The following FMN2 variants were observed in gnomAD, a reference collection of about 807,000 sequenced individuals.
The protein encoded by FMN2 is formin 2, also known as formin-2.
Under a neutral mutation model 142.3 loss-of-function variants are expected in FMN2, and 51 were observed. That is an observed-to-expected ratio of 0.36 (90% CI 0.29 to 0.45). The LOEUF (loss-of-function observed/expected upper bound fraction) is 0.45, where lower values mean the gene tolerates loss of function less well. Among genes scored for constraint, FMN2 ranks in the 20% least tolerant of loss-of-function variants. The probability of loss-of-function intolerance (pLI) is 1.00; values close to 1 mark genes in which losing one functional copy is unlikely to be tolerated. For synonymous variants in FMN2, 882 were observed against 869.8 expected (o/e 1.01, Z -0.25); for missense variants, 1,936 against 2,122.8 (o/e 0.91, Z 1.73).
chr1:240,266,466 T>C (rs1668807905), intron 7 of FMN2, among the ~76,000 whole-genome samples: 10 of 152,018 alleles, frequency 6.6e-5, no homozygotes, highest in Admixed American at 6.6e-4. Context: ...TTCCATGTGG[T>C]GTTTGCTTTT....
intron 15 of FMN2, among the ~76,000 whole-genome samples, chr1:240,421,791 C>A (rs944684838): frequency 6.6e-6 from 1 of 151,968 alleles, no homozygotes; most frequent in East Asian, 1.9e-4. Flanking sequence ...AGATCCTCTT[C>A]CAATTTGATG....
rs192920323 is a variant in FMN2, at chr1:240,221,390, A to G, written c.4065+10155A>G. ...CCTCTCCAGCATCTGTTATTTCCCA[A>G]CTTTTTAATGATCGCCATTCTGACT... On this transcript the variant is annotated intron_variant, in intron 6 of 17. Transcript: ENST00000319653. 1.4e-3 allele frequency among the ~76,000 whole-genome samples: 209 copies of G among 152,088 alleles called. 1 individual carries two copies. Among genetic ancestry groups the G allele is most frequent in the African/African-American group, 4.9e-3 (202 of 41,490 alleles).
At chr1:240,428,965 A>G (rs1675047361) in intron 15 of FMN2, among the ~76,000 whole-genome samples, 1 of 152,192 alleles carries the variant, frequency 6.6e-6, no homozygotes, top group Non-Finnish European at 1.5e-5. Flanking sequence ...TTCCATACTT[A>G]CAACTTTCTC....
At chr1:240,194,302 G>A (rs1019830286) in intron 4 of FMN2, among the ~76,000 whole-genome samples, 3 of 152,248 alleles carry the variant, frequency 2.0e-5, no homozygotes, top group Admixed American at 2.0e-4. Flanking sequence ...GTTTTCCTGG[G>A]CACAAATCCC....
chr1:240,116,799 C>A (rs543906259), intron 1 of FMN2, among the ~76,000 whole-genome samples: 1 of 151,986 alleles, frequency 6.6e-6, no homozygotes, highest in Admixed American at 6.6e-5. Flanking sequence ...TACCATGCTG[C>A]CCAGCAGCTT....
At chr1:240,268,197 A>G (rs1477052724) in intron 7 of FMN2, among the ~76,000 whole-genome samples, 2 of 152,066 alleles carry the variant, frequency 1.3e-5, no homozygotes, top group Non-Finnish European at 2.9e-5. Flanking sequence ...GAGGGAAGAA[A>G]TGGGAGTTAA....
rs570048840 is a variant in FMN2 at position 240,370,827 on chromosome 1, G to A, written c.4858+14919G>A. ...TAGTAACCTTCAGTCTTCTGGAAAAGATTGAATAATGTTAGTATAATAAAT... is the reference window on the plus strand; with the variant it reads ...TAGTAACCTTCAGTCTTCTGGAAAAAATTGAATAATGTTAGTATAATAAAT... On this transcript the variant is annotated intron_variant, in intron 14 of 17. Transcript: ENST00000319653. Among the ~76,000 whole-genome samples the A allele has an allele frequency of 9.2e-5, 14 of 152,278 alleles. No individual in the cohort carries two copies. In the South Asian group the frequency reaches 2.7e-3, roughly 29 times the overall value.
At chr1:240,318,094 C>G (rs926843064) in intron 8 of FMN2, among the ~76,000 whole-genome samples, 4 of 152,174 alleles carry the variant, frequency 2.6e-5, no homozygotes, top group Non-Finnish European at 1.5e-5. Flanking sequence ...TTGAGTTGCT[C>G]ATTTGCGCCA....
intron 6 of FMN2, among the ~76,000 whole-genome samples, chr1:240,251,143 G>A (rs189386347): frequency 1.5e-4 from 22 of 151,374 alleles, no homozygotes; most frequent in Admixed American, 1.1e-3. Flanking sequence ...TGCTTTTCTG[G>A]TTCCTTGATA....
rs1378347818 is a variant in FMN2 at position 240,104,529 on chromosome 1, T to C, written c.1615+10805T>C. Among the ~76,000 whole-genome samples the C allele has an allele frequency of 3.9e-5, 6 of 152,216 alleles. No individual in the cohort carries two copies. In the East Asian group the frequency reaches 1.2e-3, roughly 29 times the overall value. The stretch of plus-strand genomic sequence containing the variant: ...TTTTCACTTCCCATTCCGAAGCCTC[T>C]AGTAGACATACAGAACTGCTTTTAT... On this transcript the variant is annotated intron_variant, in intron 1 of 17. Transcript: ENST00000319653.
intron 8 of FMN2, among the ~76,000 whole-genome samples, chr1:240,304,420 G>A (rs1414397284): frequency 1.3e-5 from 2 of 152,106 alleles, no homozygotes; most frequent in Admixed American, 1.3e-4. Context: ...TAAACTTAAG[G>A]TCTTCTCAGG....
At chr1:240,220,171 C>A (rs977462875) in intron 6 of FMN2, among the ~76,000 whole-genome samples, 1 of 152,044 alleles carries the variant, frequency 6.6e-6, no homozygotes, top group Non-Finnish European at 1.5e-5. Flanking sequence ...TGTGTAAAAT[C>A]TCTGAAAATT....
chr1:240,463,719 G>T (rs1676519525), intron 16 of FMN2, among the ~76,000 whole-genome samples: 1 of 152,134 alleles, frequency 6.6e-6, no homozygotes, highest in South Asian at 2.1e-4. Flanking sequence ...TTAGGGACCA[G>T]TGGCCAGGCC....
At chr1:240,378,980 T>C (rs1344372485) in intron 14 of FMN2, among the ~76,000 whole-genome samples, 1 of 152,238 alleles carries the variant, frequency 6.6e-6, no homozygotes, top group Non-Finnish European at 1.5e-5. Flanking sequence ...GCTTTCCTGA[T>C]ACTTGGTTGG....
intron 6 of FMN2, among the ~76,000 whole-genome samples, chr1:240,223,810 T>A (rs1667205744): frequency 6.6e-6 from 1 of 152,198 alleles, no homozygotes; most frequent in African/African-American, 2.4e-5. Context: ...AGTTTGTATT[T>A]CTGTGGGATC....
At chr1:240,203,339 G>C (rs902570844) in intron 4 of FMN2, among the ~76,000 whole-genome samples, 2 of 152,148 alleles carry the variant, frequency 1.3e-5, no homozygotes, top group Non-Finnish European at 2.9e-5. Flanking sequence ...ACATCATTCT[G>C]TTACAAAGAT....
intron 8 of FMN2, among the ~76,000 whole-genome samples, chr1:240,307,804 A>G (rs1670464357): frequency 6.6e-6 from 1 of 152,174 alleles, no homozygotes; most frequent in African/African-American, 2.4e-5. Context: ...TAGGAATAGC[A>G]TTGAATCAGT....
intron 13 of FMN2, 67 bp downstream of exon 13, chr1:240,334,296 A>G (rs1387088257): frequency 1.4e-6 from 2 of 1,457,510 alleles, no homozygotes; most frequent in Non-Finnish European, 1.8e-6. Context: ...CAGACTTTTC[A>G]ATGTTTTTAG....
chr1:240,329,800 G>C (rs1163612184), intron 10 of FMN2, among the ~76,000 whole-genome samples: 1 of 120,518 alleles, frequency 8.3e-6, no homozygotes, highest in Non-Finnish European at 1.7e-5. Context: ...TAATTTGAAG[G>C]CTTTTTTTTT....
Sources: gnomAD v4.1 joint callset for allele counts (sites outside exome capture counted in the v4.1 genomes callset) on GRCh38, gnomAD v4.1.1 for gene constraint, MANE v1.5 for transcripts, NCBI Gene and HGNC (gene_info 2026-07-23, HGNC 2026-07-21) for gene names.